Variants in DAAM2 observed in about 807,000 individuals in gnomAD.
DAAM2 encodes the protein disheveled-associated activator of morphogenesis 2.
Under a neutral mutation model 120.7 loss-of-function variants are expected in DAAM2, and 39 were observed. The observed-to-expected ratio is 0.32, with a 90% CI of 0.25 to 0.42. DAAM2 has a LOEUF of 0.42. Ranked by LOEUF, DAAM2 falls within the 10% of genes least tolerant of loss-of-function variation. The pLI is 1.00. For synonymous variants in DAAM2, 488 were observed against 524.9 expected, an observed-to-expected ratio of 0.93 and a Z score of 0.96; for missense variants, 1,283 against 1,401.7, an observed-to-expected ratio of 0.92 and a Z score of 1.35.
intron 1 of DAAM2, among the ~76,000 whole-genome samples, chr6:39,838,623 A>G (rs1763199520): frequency 6.6e-6 from 1 of 152,062 alleles, no homozygotes; most frequent in Admixed American, 6.6e-5. Context: ...TTTGCCTGAG[A>G]CTGAGAAGGT....
intron 22 of DAAM2, 113 bp downstream of exon 22, chr6:39,899,050 C>T (rs1388142350): frequency 1.4e-5 from 7 of 491,936 alleles, no homozygotes; most frequent in Non-Finnish European, 2.3e-5. Context: ...CAGCCTCTAG[C>T]ACAGGGTCAG....
intron 9 of DAAM2, among the ~76,000 whole-genome samples, chr6:39,871,841 C>T (rs957463043): frequency 2.0e-5 from 3 of 152,142 alleles, no homozygotes; most frequent in Admixed American, 1.3e-4. Flanking sequence ...CATGACAGGT[C>T]GGAGTTATTG....
intron 23 of DAAM2, among the ~76,000 whole-genome samples, chr6:39,900,597 C>G (rs1350639256): frequency 6.6e-6 from 1 of 152,156 alleles, no homozygotes; most frequent in Non-Finnish European, 1.5e-5. Context: ...ACATGATTAC[C>G]ATGCCTCTAT....
At chr6:39,867,223 A>G (rs1244560919) in intron 5 of DAAM2, 9 of 406,478 alleles carry the variant, frequency 2.2e-5, no homozygotes, top group South Asian at 1.7e-4. Flanking sequence ...CAGGTTTAAC[A>G]GCTCTGATAA....
At chr6:39,880,258 C>T (rs1765059760) in intron 14 of DAAM2, among the ~76,000 whole-genome samples, 1 of 152,194 alleles carries the variant, frequency 6.6e-6, no homozygotes, top group South Asian at 2.1e-4. Context: ...GAATGGATTC[C>T]ACACTGACCT....
At chr6:39,843,975 T>A (rs1406944096) in intron 1 of DAAM2, among the ~76,000 whole-genome samples, 1 of 152,166 alleles carries the variant, frequency 6.6e-6, no homozygotes, top group African/African-American at 2.4e-5. Flanking sequence ...TCAGTCAGAC[T>A]GAGGTCACAT....
At chr6:39,798,639 C>T (rs1045319494) in intron 1 of DAAM2, among the ~76,000 whole-genome samples, 1 of 152,148 alleles carries the variant, frequency 6.6e-6, no homozygotes, top group African/African-American at 2.4e-5. Context: ...CCCCATCAGT[C>T]CTCAAGGGTT....
intron 3 of DAAM2, among the ~76,000 whole-genome samples, chr6:39,863,002 C>A (rs1255327446): frequency 1.3e-5 from 2 of 151,942 alleles, no homozygotes; most frequent in Non-Finnish European, 2.9e-5. Flanking sequence ...TGTTCTTAGA[C>A]CACTCACGCC....
At chr6:39,813,146 TTG>T (rs143725882) in intron 1 of DAAM2, among the ~76,000 whole-genome samples, 43 of 149,034 alleles carry the variant, frequency 2.9e-4, no homozygotes, top group African/African-American at 4.2e-4. Context: ...AAGAGGCAGA[TTG>T]TGTGTGTGTG....
At chr6:39,798,328 C>T (rs1402236497) in intron 1 of DAAM2, among the ~76,000 whole-genome samples, 1 of 152,192 alleles carries the variant, frequency 6.6e-6, no homozygotes, top group Non-Finnish European at 1.5e-5. Context: ...CATAGGATGA[C>T]TGTGAGGGTT....
At chr6:39,856,512 G>T in intron 2 of DAAM2, 42 bp downstream of exon 2, 1 of 1,371,562 alleles carries the variant, frequency 7.3e-7, no homozygotes, top group East Asian at 2.9e-5. Context: ...ATGGGGAGGA[G>T]GGTGGATGGA....
At chr6:39,871,430 G>A (rs772652445) in intron 8 of DAAM2, 76 bp from the exon 9 acceptor site, 14 of 1,372,948 alleles carry the variant, frequency 1.0e-5, no homozygotes, top group Middle Eastern at 1.8e-4. Flanking sequence ...TGGGGGGCTC[G>A]AAGGGGCTGT....
intron 1 of DAAM2, among the ~76,000 whole-genome samples, chr6:39,844,631 A>G (rs756875853): frequency 6.6e-6 from 1 of 152,158 alleles, no homozygotes; most frequent in Non-Finnish European, 1.5e-5. Flanking sequence ...AGTGTGGTTC[A>G]TGGGAAAAAG....
At chr6:39,867,208 G>A (rs1764466967) in intron 5 of DAAM2, 1 of 363,712 alleles carries the variant, frequency 2.7e-6, no homozygotes, top group African/African-American at 2.1e-5. Context: ...CTGGAGAGGA[G>A]TGTTCAGGTT....
intron 1 of DAAM2, among the ~76,000 whole-genome samples, chr6:39,816,397 C>T (rs1762310880): frequency 6.6e-6 from 1 of 152,210 alleles, no homozygotes; most frequent in Admixed American, 6.5e-5. Flanking sequence ...TACTAGGCCA[C>T]ATAATTCTTG....
chr6:39,876,204 T>C (rs1456059130), intron 11 of DAAM2, among the ~76,000 whole-genome samples: 1 of 152,244 alleles, frequency 6.6e-6, no homozygotes, highest in Non-Finnish European at 1.5e-5. Flanking sequence ...AATAAGGCCT[T>C]ACATTAACAT....
At chr6:39,862,013 T>G (rs1469935440) in intron 3 of DAAM2, 1 of 152,260 alleles carries the variant, frequency 6.6e-6, no homozygotes, top group Non-Finnish European at 1.5e-5. Context: ...AGACTGACCT[T>G]GTAACATTGG....
rs566309443 is a variant in DAAM2, at chr6:39,870,325, C to A, written c.874-15C>A. The A allele has an allele frequency of 2.9e-5, 44 of 1,525,792 alleles. No homozygotes were observed. In the Middle Eastern group the frequency reaches 6.7e-4, roughly 23 times the overall value. 94.5% of individuals were successfully genotyped at this position (1,525,792 alleles called of 1,614,324 possible). On this transcript the variant is annotated splice_polypyrimidine_tract_variant and intron_variant, in intron 7 of 24. Coordinates refer to ENST00000274867, the MANE Select transcript of DAAM2 (RefSeq NM_001201427.2). ...GATCTGCCAATGAGTCTGGCCCTCC[C>A]TTGGTGACCCCCAGGATAATCTGGA...
intron 1 of DAAM2, among the ~76,000 whole-genome samples, chr6:39,817,760 T>C (rs528199530): frequency 7.3e-4 from 111 of 152,244 alleles, no homozygotes; most frequent in Middle Eastern, 3.4e-3. Flanking sequence ...GTTCCCTTCA[T>C]TGGGGGACCT....
Sources: allele counts gnomAD v4.1 joint callset (sites outside exome capture counted in the v4.1 genomes callset), GRCh38; gene constraint gnomAD v4.1.1; transcripts MANE v1.5; gene names NCBI Gene and HGNC (gene_info 2026-07-23, HGNC 2026-07-21).